ADGRL4: variants seen among roughly 807,000 people sequenced by gnomAD.
ADGRL4 encodes the protein EGF, latrophilin and seven transmembrane domain containing 1.
Under a neutral mutation model 74.8 loss-of-function variants are expected in ADGRL4, and 90 were observed. The ratio of observed to expected loss-of-function variants is 1.20; its 90% CI spans 1.02 to 1.43. The LOEUF is 1.43. Ranked by LOEUF, ADGRL4 falls within the 40% of genes most tolerant of loss-of-function variation. The pLI is 0.00. For synonymous variants in ADGRL4, 311 were observed against 279.2 expected (o/e 1.11, Z -1.14); for missense variants, 881 against 814.3 (o/e 1.08, Z -1.00).
rs767020483 is a variant in ADGRL4 at position 78,920,405 on chromosome 1, A to C, written c.1258-19T>G. ...TAATACCCTAAGGGAAAATAATAAT[A>C]AAGCAGTTAAAAGAATAACTCACTA... On this transcript the variant is annotated intron_variant, in intron 9 of 14. Coordinates refer to ENST00000370742, the MANE Select transcript of ADGRL4 (RefSeq NM_022159.4). 2.1e-6 allele frequency: 3 copies of C among 1,454,122 alleles called. No individual in the cohort carries two copies. The South Asian group carries it at 3.7e-5, about 18-fold the overall frequency. The allele number at this position is 1,454,122 out of a possible 1,614,324, so 90.1% of individuals were successfully genotyped here.
chr1:78,979,616 C>A (rs115237730), intron 2 of ADGRL4, among the ~76,000 whole-genome samples: 2,250 of 151,954 alleles, frequency 0.015, 58 homozygotes, highest in African/African-American at 0.052. Context: ...TATCACAACA[C>A]AATTTGAAAT....
intron 2 of ADGRL4, among the ~76,000 whole-genome samples, chr1:78,981,560 G>T (rs1570270083): frequency 6.6e-6 from 1 of 151,724 alleles, no homozygotes; most frequent in Non-Finnish European, 1.5e-5. Context: ...AGTAAATATT[G>T]GTTGGTATAA....
rs936524352 is a variant in ADGRL4, at chr1:78,937,916, A to G, written c.651T>C (p.His217=). The change falls in exon 6 of 15, where the codon CAT becomes CAC. Residue 217 remains histidine, a synonymous_variant. Transcript: ENST00000370742. ...FVVWDKLSVN[H]RRTHLTKLMH... is the part of the protein sequence containing the mutation. ...TGAGTTTTGTAAGATGTGTTCTCCT[A>G]TGATTCACAGATAACTTGTCCCAAA... The G allele has an allele frequency of 6.2e-7, 1 of 1,614,028 alleles. No individual in the cohort carries two copies. Among genetic ancestry groups the G allele is most frequent in the Non-Finnish European group, 8.5e-7 (1 of 1,179,936 alleles).
At chr1:78,909,376 T>A (rs776337449) in intron 12 of ADGRL4, among the ~76,000 whole-genome samples, 3 of 151,834 alleles carry the variant, frequency 2.0e-5, no homozygotes, top group Non-Finnish European at 4.4e-5. Context: ...TGGTTCCCAG[T>A]GAAGAGAACT....
intron 3 of ADGRL4, among the ~76,000 whole-genome samples, chr1:78,940,368 T>A (rs1022482631): frequency 6.6e-6 from 1 of 152,156 alleles, no homozygotes; most frequent in South Asian, 2.1e-4. Flanking sequence ...TCATACACAA[T>A]CATCATAAAT....
At chr1:78,977,811 G>A (rs772766398) in intron 2 of ADGRL4, among the ~76,000 whole-genome samples, 2 of 151,652 alleles carry the variant, frequency 1.3e-5, no homozygotes, top group Non-Finnish European at 2.9e-5. Flanking sequence ...ACAGGGATAA[G>A]CATTACCTGG....
intron 2 of ADGRL4, among the ~76,000 whole-genome samples, chr1:78,975,422 A>G (rs1274264877): frequency 6.6e-6 from 1 of 152,030 alleles, no homozygotes; most frequent in Non-Finnish European, 1.5e-5. Context: ...CCTTGATATT[A>G]AGACCTCTTT....
chr1:78,912,968 G>T (rs146516101), intron 12 of ADGRL4, among the ~76,000 whole-genome samples: 1 of 151,706 alleles, frequency 6.6e-6, no homozygotes, highest in Admixed American at 6.6e-5. Context: ...CATTACAATG[G>T]GGACAAGGGA....
At chr1:78,956,423 A>C (rs1570253142) in intron 2 of ADGRL4, among the ~76,000 whole-genome samples, 3 of 152,296 alleles carry the variant, frequency 2.0e-5, no homozygotes, top group Admixed American at 2.0e-4. Flanking sequence ...AAATGGCAAC[A>C]AACTCATAGT....
In ADGRL4 at chr1:79,005,068, A is replaced by G; in HGVS notation, c.172+2T>C. On this transcript the variant is annotated splice_donor_variant, in intron 2 of 14. Transcript: ENST00000370742. LOFTEE classifies it high-confidence loss of function. ...CCAAAAGAAGTAACAAAGCTTGTTT[A>G]CCTTCACAAATTGTGACACCATTTC... 1 of 1,611,198 alleles carries G rather than the reference A, an allele frequency of 6.2e-7. No homozygotes were observed. The highest frequency in any genetic ancestry group is 8.5e-7 in the Non-Finnish European group (1 of 1,178,846).
At chr1:78,919,361 G>A (rs940761639) in intron 10 of ADGRL4, among the ~76,000 whole-genome samples, 21 of 151,900 alleles carry the variant, frequency 1.4e-4, no homozygotes, top group African/African-American at 4.6e-4. Context: ...CCATCACTGA[G>A]TACAGTAGGG....
intron 2 of ADGRL4, among the ~76,000 whole-genome samples, chr1:78,983,064 C>T (rs1650427648): frequency 6.6e-6 from 1 of 151,764 alleles, no homozygotes; most frequent in African/African-American, 2.4e-5. Flanking sequence ...ATAGAAACTC[C>T]AAGCTGACAA....
intron 12 of ADGRL4, among the ~76,000 whole-genome samples, chr1:78,912,886 A>T (rs1648793183): frequency 6.6e-6 from 1 of 151,972 alleles, no homozygotes; most frequent in Non-Finnish European, 1.5e-5. Context: ...CAAATTATGC[A>T]TCTGACAAAA....
At chr1:78,916,478 A>G (rs1648875415) in intron 12 of ADGRL4, among the ~76,000 whole-genome samples, 1 of 151,950 alleles carries the variant, frequency 6.6e-6, no homozygotes, top group African/African-American at 2.4e-5. Flanking sequence ...GAGTCATAAT[A>G]AATTAACTCA....
intron 2 of ADGRL4, among the ~76,000 whole-genome samples, chr1:79,002,975 T>C (rs1650874827): frequency 6.6e-6 from 1 of 152,070 alleles, no homozygotes; most frequent in Non-Finnish European, 1.5e-5. Context: ...TAACATTTCT[T>C]TGGTACCTCT....
rs571908399 is a variant in ADGRL4 at position 78,936,202 on chromosome 1, CAT to C, written c.877+91_877+92del. The C allele has an allele frequency of 2.8e-4, 352 of 1,276,908 alleles. 6 individuals are homozygous for C. The South Asian group carries it at 3.6e-3, about 13-fold the overall frequency. 79.1% of individuals were successfully genotyped at this position (1,276,908 alleles called of 1,614,324 possible). On this transcript the variant is annotated intron_variant, in intron 7 of 14. Transcript: ENST00000370742. ...CATCAAATGTTTTTATAGGAAACCACATGTTACATGTACATATGACATAATCA... is the reference window on the plus strand; with the variant it reads ...CATCAAATGTTTTTATAGGAAACCACGTTACATGTACATATGACATAATCA...
chr1:78,955,764 T>C (rs1290532290), intron 2 of ADGRL4, among the ~76,000 whole-genome samples: 1 of 152,094 alleles, frequency 6.6e-6, no homozygotes, highest in Non-Finnish European at 1.5e-5. Context: ...GTCTCTCTTA[T>C]GTTGATGAGT....
rs775548717 is a variant in ADGRL4 at position 78,920,356 on chromosome 1, T to A, written c.1288A>T (p.Ile430Phe). The A allele has an allele frequency of 6.2e-7, 1 of 1,600,604 alleles. No homozygotes were observed. The highest frequency in any genetic ancestry group is 1.1e-5 in the South Asian group (1 of 90,720). Residue 430 changes from isoleucine (I) to phenylalanine (F), a missense_variant, in exon 10 of 15, where the codon ATC (isoleucine) becomes TTC (phenylalanine). By Grantham distance (21) the Ile-to-Phe change is conservative. Coordinates refer to ENST00000370742, the MANE Select transcript of ADGRL4 (RefSeq NM_022159.4). ...GIKDYNILTR[I>F]TQLGIIISLI... Reference sequence around the variant, plus strand: ...GAAATAATTATTCCTAGTTGAGTGATCCTTGTAAGAATATTATAATCTTTA... The same window carrying A: ...GAAATAATTATTCCTAGTTGAGTGAACCTTGTAAGAATATTATAATCTTTA...
intron 3 of ADGRL4, among the ~76,000 whole-genome samples, chr1:78,941,788 C>T (rs12090033): frequency 2.0e-5 from 3 of 152,290 alleles, no homozygotes; most frequent in African/African-American, 7.2e-5. Flanking sequence ...TGGCTAAAAC[C>T]TACGGTTTCC....
Sources: allele counts gnomAD v4.1 joint callset (sites outside exome capture counted in the v4.1 genomes callset), GRCh38; gene constraint gnomAD v4.1.1; transcripts MANE v1.5; gene names NCBI Gene and HGNC (gene_info 2026-07-23, HGNC 2026-07-21).